The following CA5B variants were observed in gnomAD, a reference collection of about 807,000 sequenced individuals.
CA5B encodes carbonic anhydrase 5B, also known as carbonic anhydrase 5B, mitochondrial.
A neutral mutation model predicts 23.1 loss-of-function variants in CA5B; 15 were observed. The ratio of observed to expected loss-of-function variants is 0.65; its 90% CI spans 0.43 to 1.00. The LOEUF (loss-of-function observed/expected upper bound fraction) is 1.00. Among genes scored for constraint, CA5B ranks in the 50% least tolerant of loss-of-function variants. CA5B has a pLI of 0.00. For synonymous variants in CA5B, 84 were observed against 98.5 expected, an observed-to-expected ratio of 0.85 and a Z score of 0.87; for missense variants, 236 against 252.2, an observed-to-expected ratio of 0.94 and a Z score of 0.43.
At chrX:15,776,246 G>T in intron 6 of CA5B, 1 of 108,870 alleles carries the variant, frequency 9.2e-6, no homozygotes, top group Admixed American at 1.0e-4. Context: ...GGCTGAGGCA[G>T]GAGAATGGCG....
At chrX:15,762,834 A>G (rs1470587109) in intron 2 of CA5B, 1 of 371,066 alleles carries the variant, frequency 2.7e-6, no homozygotes, top group Admixed American at 2.6e-5. Context: ...AGGACAGGGA[A>G]ATGGACCACC....
At position 15,776,751 on chromosome X, in the gene CA5B, G is replaced by A; in HGVS notation, c.656G>A (p.Cys219Tyr). The A allele has an allele frequency of 1.7e-6, 2 of 1,209,484 alleles. No individual in the cohort carries two copies. Among genetic ancestry groups the A allele is most frequent in the South Asian group, 1.8e-5 (1 of 56,967 alleles). ...LVEFGSFDPS[C>Y]LMPTCPDYWT... Reference sequence around the variant, plus strand: ...GAATTTGGGTCATTTGACCCTTCCTGCCTGATGCCTACCTGCCCAGATTAC... The same window carrying A: ...GAATTTGGGTCATTTGACCCTTCCTACCTGATGCCTACCTGCCCAGATTAC... Residue 219 changes from cysteine to tyrosine, a missense_variant, in exon 7 of 8, where the codon TGC becomes TAC. Physicochemically the swap from Cys to Tyr is radical, Grantham distance 194. Around this residue, in one of 3 missense-constraint regions of CA5B, gnomAD observed 170 missense variants for 162.0 expected, o/e 1.05. Coordinates refer to ENST00000318636, the MANE Select transcript of CA5B (RefSeq NM_007220.4).
intron 2 of CA5B, among the ~76,000 whole-genome samples, chrX:15,754,187 G>T (rs943491554): frequency 6.3e-5 from 7 of 111,987 alleles, no homozygotes; most frequent in Middle Eastern, 4.6e-3. Flanking sequence ...CCTGGCCAGG[G>T]TAGGGGGGAT....
chrX:15,780,303 C>G (rs1173958185), intron 7 of CA5B, among the ~76,000 whole-genome samples: 1 of 105,419 alleles, frequency 9.5e-6, no homozygotes, highest in Non-Finnish European at 1.9e-5. Context: ...AAGACGGTCT[C>G]TAGCTGTTGC....
intron 4 of CA5B, among the ~76,000 whole-genome samples, chrX:15,773,402 ATTTTTTTTT>A (rs59351244): frequency 3.3e-5 from 1 of 30,512 alleles, no homozygotes. Context: ...TGCCCTGCTA[ATTTTTTTTT>A]TTTTTTTTTT....
intron 2 of CA5B, among the ~76,000 whole-genome samples, chrX:15,758,892 A>G (rs1931546521): frequency 8.9e-6 from 1 of 112,112 alleles, no homozygotes; most frequent in African/African-American, 3.2e-5. Context: ...CACAAGTATT[A>G]ACCGAAAGCC....
chrX:15,757,457 A>G (rs1185815481), intron 2 of CA5B, among the ~76,000 whole-genome samples: 1 of 111,678 alleles, frequency 9.0e-6, no homozygotes, highest in African/African-American at 3.3e-5. Flanking sequence ...CAGAGGTTGC[A>G]GTGAGCTGAG....
chrX:15,775,573 G>A, intron 6 of CA5B: 1 of 855,161 alleles, frequency 1.2e-6, no homozygotes. Flanking sequence ...CCTGACACCG[G>A]CTCCTTCTAA....
rs1010192163 is a variant in CA5B, at chrX:15,772,568, C to T, written c.413C>T (p.Ala138Val). 3 of 1,205,645 alleles carry T rather than the reference C, an allele frequency of 2.5e-6. No individual in the cohort carries two copies. Among genetic ancestry groups the T allele is most frequent in the Non-Finnish European group, 3.4e-6 (3 of 891,915 alleles). The change falls in exon 4 of 8, where the codon GCC becomes GTC. Residue 138 changes from alanine to valine, a missense_variant. Physicochemically the swap from Ala to Val is moderately conservative, Grantham distance 64. Transcript: ENST00000318636. ...CATTTTCACTGGGGGGCCATCGATG[C>T]CTGGGGTTCTGAGCACACCGTGGAC... ...QFHFHWGAID[A>V]WGSEHTVDSK...
At chrX:15,749,798 G>A (rs774879230) in intron 1 of CA5B, 173 bp from the exon 2 acceptor site, 1 of 375,379 alleles carries the variant, frequency 2.7e-6, no homozygotes, top group East Asian at 4.2e-5. Context: ...CCACTGAGGG[G>A]ACCAATGAGT....
intron 1 of CA5B, among the ~76,000 whole-genome samples, chrX:15,742,883 C>T (rs1931150849): frequency 8.9e-6 from 1 of 112,072 alleles, no homozygotes; most frequent in South Asian, 3.7e-4. Context: ...GAACTGGCAT[C>T]TATTGGATGC....
At chrX:15,768,935 A>G (rs1931765931) in intron 3 of CA5B, 1 of 112,071 alleles carries the variant, frequency 8.9e-6, no homozygotes, top group African/African-American at 3.2e-5. Context: ...GGTATGTGAC[A>G]AAAACATCAT....
rs1223066102 is a variant in CA5B, at chrX:15,785,576, C to G, written c.*2912C>G. The G allele has an allele frequency of 2.7e-5, 3 of 112,080 alleles. No homozygotes were observed. In the Admixed American group the frequency reaches 2.8e-4, roughly 11 times the overall value. 9.2% of individuals were successfully genotyped at this position (112,080 alleles called of 1,213,427 possible). A position where few individuals can be genotyped will look rare whatever the true frequency, so the allele number is the denominator to read the frequency against. On this transcript the variant is annotated 3_prime_UTR_variant, in exon 8 of 8. Transcript: ENST00000318636. ...GTACAGAGCTTGTGTTGCAAGAATT[C>G]TAGAGATCTGTTGCAAAACAAGTGT...
At chrX:15,765,232 T>A in intron 3 of CA5B, 2 of 187,623 alleles carry the variant, frequency 1.1e-5, no homozygotes, top group Non-Finnish European at 1.7e-5. Context: ...TGCATTAGGT[T>A]GCAAAGACTA....
At chrX:15,761,395 G>A (rs1463458658) in intron 2 of CA5B, among the ~76,000 whole-genome samples, 1 of 111,923 alleles carries the variant, frequency 8.9e-6, no homozygotes, top group Non-Finnish European at 1.9e-5. Flanking sequence ...CTGCCCACAA[G>A]GAATTTGCAT....
At chrX:15,752,691 C>T (rs898519348) in intron 2 of CA5B, among the ~76,000 whole-genome samples, 1 of 108,459 alleles carries the variant, frequency 9.2e-6, no homozygotes, top group Non-Finnish European at 1.9e-5. Flanking sequence ...CGCCACTGCA[C>T]TCCAGCCTGG....
At chrX:15,763,660 G>C (rs1931648481) in intron 2 of CA5B, among the ~76,000 whole-genome samples, 1 of 112,578 alleles carries the variant, frequency 8.9e-6, no homozygotes, top group African/African-American at 3.2e-5. Context: ...TATATAGAGA[G>C]ATGGATGAGA....
At chrX:15,765,744 C>T (rs937601150) in intron 3 of CA5B, among the ~76,000 whole-genome samples, 4 of 109,817 alleles carry the variant, frequency 3.6e-5, no homozygotes, top group East Asian at 2.9e-4. Flanking sequence ...TCCTGCAGTG[C>T]GCCGGATATC....
chrX:15,781,113 G>A (rs994928197), intron 7 of CA5B, among the ~76,000 whole-genome samples: 3 of 110,591 alleles, frequency 2.7e-5, no homozygotes, highest in African/African-American at 9.9e-5. Context: ...CAGTAGCTGG[G>A]ATTACAGGCA....
Sources: gnomAD v4.1 joint callset for allele counts (sites outside exome capture counted in the v4.1 genomes callset) on GRCh38, gnomAD v4.1.1 for gene constraint, gnomAD v4.1.1 regional missense constraint, MANE v1.5 for transcripts, NCBI Gene and HGNC (gene_info 2026-07-23, HGNC 2026-07-21) for gene names.